MRPL48: variants seen among roughly 807,000 people sequenced by gnomAD.
MRPL48 encodes the protein mitochondrial ribosomal protein L48.
Under a neutral mutation model 32.9 loss-of-function variants are expected in MRPL48, and 16 were observed. That is an observed-to-expected ratio of 0.49 (90% CI 0.33 to 0.74). The LOEUF is 0.74. Among genes scored for constraint, MRPL48 ranks in the 30% least tolerant of loss-of-function variants. The pLI is 0.02. For missense variants in MRPL48, 206 were observed against 245.3 expected (o/e 0.84, Z 1.07); for synonymous variants, 94 against 89.2 (o/e 1.05, Z -0.31).
chr11:73,807,128 C>T (rs919892710), intron 2 of MRPL48, among the ~76,000 whole-genome samples: 40 of 152,144 alleles, frequency 2.6e-4, no homozygotes, highest in Admixed American at 5.2e-4. Flanking sequence ...CCTCAGCCTC[C>T]CAAAGTGCTG....
At chr11:73,829,536 T>C (rs1947956218) in intron 4 of MRPL48, among the ~76,000 whole-genome samples, 1 of 152,070 alleles carries the variant, frequency 6.6e-6, no homozygotes, top group African/African-American at 2.4e-5. Context: ...GCCTGGCTAA[T>C]TTTTAGAAAT....
chr11:73,829,193 C>T (rs1947952382), intron 4 of MRPL48, among the ~76,000 whole-genome samples: 1 of 152,132 alleles, frequency 6.6e-6, no homozygotes, highest in Non-Finnish European at 1.5e-5. Flanking sequence ...TTTTTCAAGG[C>T]TCACAAGCTG....
intron 2 of MRPL48, among the ~76,000 whole-genome samples, chr11:73,807,511 G>A (rs531216909): frequency 3.4e-4 from 50 of 149,070 alleles, no homozygotes; most frequent in Admixed American, 2.0e-4. Context: ...GCTATTTTTC[G>A]TTATCTCTAA....
At chr11:73,830,472 A>G (rs553668645) in intron 4 of MRPL48, among the ~76,000 whole-genome samples, 3 of 152,278 alleles carry the variant, frequency 2.0e-5, no homozygotes, top group Non-Finnish European at 4.4e-5. Context: ...ACCACCTTAC[A>G]GAGGCTCTGT....
intron 5 of MRPL48, among the ~76,000 whole-genome samples, chr11:73,853,192 G>T (rs1948430363): frequency 6.6e-6 from 1 of 152,102 alleles, no homozygotes; most frequent in Non-Finnish European, 1.5e-5. Context: ...GCACAACAGG[G>T]TGACTATAGT....
At chr11:73,816,078 T>A (rs1336703515) in intron 3 of MRPL48, among the ~76,000 whole-genome samples, 1 of 151,418 alleles carries the variant, frequency 6.6e-6, no homozygotes, top group Non-Finnish European at 1.5e-5. Context: ...ATTTATTTAT[T>A]TGAGAGGGAG....
intron 3 of MRPL48, among the ~76,000 whole-genome samples, chr11:73,823,397 C>A (rs1179815135): frequency 1.3e-5 from 2 of 152,112 alleles, no homozygotes; most frequent in Non-Finnish European, 2.9e-5. Flanking sequence ...CATATAGATA[C>A]ACACACATAC....
At chr11:73,806,592 A>G (rs1947458560) in intron 2 of MRPL48, among the ~76,000 whole-genome samples, 1 of 152,138 alleles carries the variant, frequency 6.6e-6, no homozygotes, top group Non-Finnish European at 1.5e-5. Context: ...GCCCCTTAAA[A>G]ATAAGCATCA....
intron 1 of MRPL48, among the ~76,000 whole-genome samples, chr11:73,797,003 G>A (rs548256586): frequency 6.6e-6 from 1 of 152,262 alleles, no homozygotes; most frequent in East Asian, 1.9e-4. Flanking sequence ...GGAGACAGAG[G>A]TTGCAGTGAG....
rs376786589 is a variant in MRPL48 at position 73,830,635 on chromosome 11, T to C, written c.201+4839T>C. 3.3e-5 allele frequency among the ~76,000 whole-genome samples: 5 copies of C among 152,156 alleles called. No individual in the cohort carries two copies. In the East Asian group the frequency reaches 7.7e-4, roughly 23 times the overall value. On this transcript the variant is annotated intron_variant, in intron 4 of 7. Coordinates refer to ENST00000310614, the MANE Select transcript of MRPL48 (RefSeq NM_016055.6). ...CCTCTCTGGGTCTCAGTCTGGCCCCTCTACTCTTGTGAGCCCAACATCCCT... is the reference window on the plus strand; with the variant it reads ...CCTCTCTGGGTCTCAGTCTGGCCCCCCTACTCTTGTGAGCCCAACATCCCT...
intron 3 of MRPL48, among the ~76,000 whole-genome samples, chr11:73,825,284 A>ATATGTGTGTGTG (rs146232365): frequency 0.039 from 5,442 of 139,716 alleles, 117 homozygotes; most frequent in South Asian, 0.073. Flanking sequence ...TTTTTTATAT[A>ATATGTGTGTGTG]TGTGTGTGTG....
chr11:73,811,693 T>C (rs1947570034), intron 3 of MRPL48, among the ~76,000 whole-genome samples: 1 of 152,186 alleles, frequency 6.6e-6, no homozygotes, highest in African/African-American at 2.4e-5. Flanking sequence ...AATTGGTATA[T>C]ATTCTGAGGA....
At chr11:73,833,987 A>G (rs916849005) in intron 4 of MRPL48, among the ~76,000 whole-genome samples, 1 of 151,784 alleles carries the variant, frequency 6.6e-6, no homozygotes, top group African/African-American at 2.4e-5. Flanking sequence ...CTCCTAAGTA[A>G]TTGGGATTAT....
At position 73,795,488 on chromosome 11, in the gene MRPL48, A is replaced by T. The variant is rs530583026; in HGVS notation, c.21+7496A>T. Among the ~76,000 whole-genome samples, 286 of 152,074 alleles carry T rather than the reference A, an allele frequency of 1.9e-3. 3 individuals carry two copies. The highest frequency in any genetic ancestry group is 6.8e-3 in the African/African-American group (282 of 41,550). On this transcript the variant is annotated intron_variant, in intron 1 of 7. Transcript: ENST00000310614. Reference sequence around the variant, plus strand: ...TGTGACTCTTTTTTAATAATTAAAAAATATAATTCATTTATTATAATATTC... The same window carrying T: ...TGTGACTCTTTTTTAATAATTAAAATATATAATTCATTTATTATAATATTC...
At chr11:73,844,379 C>T (rs143857754) in intron 4 of MRPL48, among the ~76,000 whole-genome samples, 70 of 151,920 alleles carry the variant, frequency 4.6e-4, no homozygotes, top group African/African-American at 1.7e-3. Flanking sequence ...TGCAGTGAGC[C>T]GAGATTGCGC....
At chr11:73,829,397 C>T in intron 4 of MRPL48, among the ~76,000 whole-genome samples, 1 of 151,908 alleles carries the variant, frequency 6.6e-6, no homozygotes, top group Non-Finnish European at 1.5e-5. Context: ...GACATGGTCT[C>T]ACTCTGCTGC....
intron 3 of MRPL48, among the ~76,000 whole-genome samples, chr11:73,811,474 T>A (rs899694090): frequency 6.6e-6 from 1 of 152,218 alleles, no homozygotes; most frequent in Non-Finnish European, 1.5e-5. Flanking sequence ...ATCTCTTAAT[T>A]ATACTTTTTA....
At chr11:73,861,734 T>G (rs1410246661) in intron 6 of MRPL48, among the ~76,000 whole-genome samples, 1 of 152,222 alleles carries the variant, frequency 6.6e-6, no homozygotes, top group East Asian at 1.9e-4. Flanking sequence ...CTGTTTTCTC[T>G]GCCTTCAAAA....
chr11:73,837,746 T>C (rs1565102738), intron 4 of MRPL48, among the ~76,000 whole-genome samples: 2 of 152,196 alleles, frequency 1.3e-5, no homozygotes, highest in Non-Finnish European at 2.9e-5. Flanking sequence ...CTACTACGTT[T>C]CTCCTAACTT....
Sources: allele counts gnomAD v4.1 joint callset (sites outside exome capture counted in the v4.1 genomes callset), GRCh38; gene constraint gnomAD v4.1.1; transcripts MANE v1.5; gene names NCBI Gene and HGNC (gene_info 2026-07-23, HGNC 2026-07-21).